Variants in NUP98 observed in about 807,000 individuals in gnomAD.
NUP98 encodes nuclear pore complex protein Nup98-Nup96.
A neutral mutation model predicts 191.9 loss-of-function variants in NUP98; 26 were observed. The ratio of observed to expected loss-of-function variants is 0.14; its 90% CI spans 0.10 to 0.19. The LOEUF (loss-of-function observed/expected upper bound fraction) is 0.19. Ranked by LOEUF, NUP98 falls within the 10% of genes least tolerant of loss-of-function variation. The pLI, the probability that NUP98 is intolerant of heterozygous loss-of-function variation, is 1.00. For synonymous variants in NUP98, 808 were observed against 778.4 expected (o/e 1.04, Z -0.63); for missense variants, 1,941 against 2,178.8 (o/e 0.89, Z 2.17).
At chr11:3,731,602 A>C (rs747671461) in intron 13 of NUP98, 24 bp from the exon 14 acceptor site, 4 of 1,498,714 alleles carry the variant, frequency 2.7e-6, no homozygotes, top group Non-Finnish European at 3.6e-6. Context: ...GCATCAAGGA[A>C]ATTTTTGGTT....
intron 6 of NUP98, among the ~76,000 whole-genome samples, chr11:3,772,392 G>A (rs1392251438): frequency 1.3e-5 from 2 of 152,220 alleles, no homozygotes; most frequent in African/African-American, 4.8e-5. Flanking sequence ...TATGTAGAAA[G>A]AAGCAATCAC....
intron 4 of NUP98, among the ~76,000 whole-genome samples, chr11:3,777,178 C>T (rs2081762410): frequency 6.6e-6 from 1 of 152,128 alleles, no homozygotes; most frequent in Admixed American, 6.6e-5. Context: ...TTAGCAGCCA[C>T]TGTCAATTAC....
chr11:3,761,753 C>T (rs564438842), intron 9 of NUP98, among the ~76,000 whole-genome samples: 27 of 151,730 alleles, frequency 1.8e-4, no homozygotes, highest in African/African-American at 6.3e-4. Flanking sequence ...GGCGAGACTC[C>T]GTCTCAAAAA....
intron 13 of NUP98, among the ~76,000 whole-genome samples, chr11:3,733,416 A>G (rs2079919892): frequency 6.6e-6 from 1 of 152,158 alleles, no homozygotes; most frequent in South Asian, 2.1e-4. Context: ...GGTTCAAGTG[A>G]TTCGCCTGCC....
At chr11:3,691,614 G>C in intron 27 of NUP98, 125 bp from the exon 28 acceptor site, 11 of 878,178 alleles carry the variant, frequency 1.3e-5, no homozygotes, top group South Asian at 1.8e-5. Flanking sequence ...AGTGCAGTGG[G>C]ACAATCTCGG....
chr11:3,753,755 C>CAAAAA (rs58867754), intron 10 of NUP98, among the ~76,000 whole-genome samples: 1 of 10,174 alleles, frequency 9.8e-5, no homozygotes, highest in Non-Finnish European at 1.6e-4. Flanking sequence ...TATAAAAATA[C>CAAAAA]AAAAAAAAAA....
intron 12 of NUP98, among the ~76,000 whole-genome samples, chr11:3,737,021 A>G (rs778675743): frequency 2.6e-5 from 4 of 152,188 alleles, no homozygotes; most frequent in Non-Finnish European, 4.4e-5. Context: ...AAGACTATTC[A>G]TGATCTACCA....
At chr11:3,694,064 C>T (rs1411678941) in intron 26 of NUP98, among the ~76,000 whole-genome samples, 2 of 132,356 alleles carry the variant, frequency 1.5e-5, no homozygotes, top group Non-Finnish European at 3.1e-5. Context: ...AACCCCGTTT[C>T]TATTAAAAAT....
At chr11:3,724,016 G>T (rs1380764072) in intron 15 of NUP98, among the ~76,000 whole-genome samples, 2 of 150,580 alleles carry the variant, frequency 1.3e-5, no homozygotes, top group Non-Finnish European at 3.0e-5. Context: ...CATTAAAAAA[G>T]AAAAGACAAA....
At chr11:3,728,535 A>G (rs960044572) in intron 14 of NUP98, among the ~76,000 whole-genome samples, 1 of 152,178 alleles carries the variant, frequency 6.6e-6, no homozygotes, top group African/African-American at 2.4e-5. Context: ...GGAGATCAAG[A>G]CCATCCTGGC....
intron 7 of NUP98, among the ~76,000 whole-genome samples, chr11:3,770,421 T>A (rs2081488575): frequency 6.6e-6 from 1 of 152,064 alleles, no homozygotes; most frequent in East Asian, 1.9e-4. Flanking sequence ...AGGGCTGTAG[T>A]GAGCCCTGAT....
chr11:3,746,846 G>A (rs1428711246), intron 11 of NUP98, among the ~76,000 whole-genome samples: 1 of 151,268 alleles, frequency 6.6e-6, no homozygotes, highest in Non-Finnish European at 1.5e-5. Flanking sequence ...CCGGGAGGCG[G>A]AGGTTGCAGT....
intron 11 of NUP98, among the ~76,000 whole-genome samples, chr11:3,745,432 C>G (rs762410361): frequency 6.6e-6 from 1 of 152,088 alleles, no homozygotes; most frequent in Non-Finnish European, 1.5e-5. Flanking sequence ...CTCATTTTCA[C>G]CAGAGGAAAA....
chr11:3,693,100 A>C (rs2078370130), intron 27 of NUP98, 132 bp downstream of exon 27: 3 of 834,050 alleles, frequency 3.6e-6, no homozygotes, highest in Non-Finnish European at 5.7e-6. Context: ...AAAAACAGAC[A>C]CTTGGGGAAG....
At chr11:3,699,704 T>C (rs1431368293) in intron 24 of NUP98, among the ~76,000 whole-genome samples, 1 of 152,228 alleles carries the variant, frequency 6.6e-6, no homozygotes, top group Non-Finnish European at 1.5e-5. Context: ...GTTTATCATT[T>C]AAGCCACTTA....
At chr11:3,720,969 TGTGTGA>T (rs1223283526) in intron 16 of NUP98, 144 bp from the exon 17 acceptor site, 1 of 491,040 alleles carries the variant, frequency 2.0e-6, no homozygotes, top group Non-Finnish European at 3.5e-6. Flanking sequence ...GGAGAAGGGG[TGTGTGA>T]GTGTGTGTGT....
intron 11 of NUP98, among the ~76,000 whole-genome samples, chr11:3,745,708 C>T (rs948589617): frequency 1.3e-5 from 2 of 152,092 alleles, no homozygotes; most frequent in Non-Finnish European, 2.9e-5. Flanking sequence ...CCCACCTTAG[C>T]CTCTGAGTAG....
intron 1 of NUP98, among the ~76,000 whole-genome samples, chr11:3,795,284 A>T (rs2082489583): frequency 6.6e-6 from 1 of 152,132 alleles, no homozygotes; most frequent in African/African-American, 2.4e-5. Flanking sequence ...TACCCAAAAT[A>T]TACAAAAAAA....
chr11:3,723,498 AATAACAATG>A, intron 15 of NUP98, 43 bp from the exon 16 acceptor site: 1 of 1,530,554 alleles, frequency 6.5e-7, no homozygotes, highest in Non-Finnish European at 9.0e-7. Flanking sequence ...TTGTAGTAGT[AATAACAATG>A]ATAATAGCTA....
Sources: gnomAD v4.1 joint callset for allele counts (sites outside exome capture counted in the v4.1 genomes callset) on GRCh38, gnomAD v4.1.1 for gene constraint, MANE v1.5 for transcripts, NCBI Gene and HGNC (gene_info 2026-07-23, HGNC 2026-07-21) for gene names.